Variants in LUC7L observed in about 807,000 individuals in gnomAD.
The protein encoded by LUC7L is putative RNA-binding protein Luc7-like 1.
In LUC7L, 29 loss-of-function variants were observed where a neutral mutation model predicts 51.1. The ratio of observed to expected loss-of-function variants is 0.57; its 90% CI spans 0.42 to 0.77. LUC7L has a LOEUF of 0.77. Among genes scored for constraint, LUC7L ranks in the 30% least tolerant of loss-of-function variants. The pLI, the probability that LUC7L is intolerant of heterozygous loss-of-function variation, is 0.00. For missense variants in LUC7L, 403 were observed against 511.9 expected, an observed-to-expected ratio of 0.79 and a Z score of 2.05; for synonymous variants, 181 against 180.7, an observed-to-expected ratio of 1.00 and a Z score of -0.01.
At position 218,520 on chromosome 16, in the gene LUC7L, A is replaced by G. The variant is rs148101291; in HGVS notation, c.255+2129T>C. Among the ~76,000 whole-genome samples, 901 of 152,334 alleles carry G rather than the reference A, an allele frequency of 5.9e-3. 15 individuals are homozygous for G. The highest frequency in any genetic ancestry group is 0.02 in the African/African-American group (832 of 41,592). On this transcript the variant is annotated intron_variant, in intron 3 of 9. Transcript: ENST00000293872. The stretch of plus-strand genomic sequence containing the variant: ...TGGATCACCTGAGGTCAAGAGTTCA[A>G]GATGAGCCTGGCCAACATGGCGAAA...
intron 3 of LUC7L, among the ~76,000 whole-genome samples, chr16:212,213 A>G (rs1401120313): frequency 6.6e-6 from 1 of 152,164 alleles, no homozygotes; most frequent in Non-Finnish European, 1.5e-5. Flanking sequence ...GAATCACTTG[A>G]ACTCGGGAGG....
intron 4 of LUC7L, among the ~76,000 whole-genome samples, chr16:206,829 C>T (rs1312202842): frequency 7.1e-6 from 1 of 140,022 alleles, no homozygotes; most frequent in Admixed American, 7.9e-5. Context: ...GAGGACAAGG[C>T]GGGAGGATTG....
rs779997984 is a variant in LUC7L at position 190,528 on chromosome 16, C to G, written c.806+13G>C. On this transcript the variant is annotated intron_variant, in intron 8 of 9. Transcript: ENST00000293872. The stretch of plus-strand genomic sequence containing the variant: ...AAAAATTTGAGAACATTTTAATGGA[C>G]CTGGAAACCTACCTCCTGCGATCTC... The G allele has an allele frequency of 5.0e-6, 8 of 1,613,680 alleles. No homozygotes were observed. The highest frequency in any genetic ancestry group is 6.8e-6 in the Non-Finnish European group (8 of 1,179,796).
chr16:211,955 G>A (rs1206242962), intron 3 of LUC7L, among the ~76,000 whole-genome samples: 1 of 152,228 alleles, frequency 6.6e-6, no homozygotes, highest in African/African-American at 2.4e-5. Flanking sequence ...ACAGCAGACA[G>A]GTGCCCTTGT....
chr16:203,842 A>G (rs1490072814), intron 5 of LUC7L, among the ~76,000 whole-genome samples: 1 of 151,484 alleles, frequency 6.6e-6, no homozygotes, highest in Non-Finnish European at 1.5e-5. Context: ...CGGTTAAATC[A>G]TATCTCTACT....
intron 3 of LUC7L, 148 bp downstream of exon 3, chr16:220,501 G>C (rs2049934589): frequency 1.5e-6 from 1 of 656,676 alleles, no homozygotes; most frequent in Non-Finnish European, 2.7e-6. Flanking sequence ...AACAGTACTG[G>C]CTGTATTCTA....
chr16:208,255 G>C, intron 3 of LUC7L, 67 bp from the exon 4 acceptor site: 2 of 1,183,392 alleles, frequency 1.7e-6, no homozygotes, highest in Non-Finnish European at 2.5e-6. Flanking sequence ...GAACCCATTT[G>C]CTTGATAGGA....
chr16:224,284 C>T (rs945554991), intron 2 of LUC7L, among the ~76,000 whole-genome samples: 8 of 128,236 alleles, frequency 6.2e-5, no homozygotes, highest in African/African-American at 1.2e-4. Context: ...TTTGGGAGGC[C>T]GAGGAGGGCG....
At chr16:194,813 C>T (rs1223801794) in intron 6 of LUC7L, among the ~76,000 whole-genome samples, 3 of 152,112 alleles carry the variant, frequency 2.0e-5, no homozygotes, top group Non-Finnish European at 1.5e-5. Context: ...GGAAAAGCAC[C>T]GGGCACCGTT....
intron 5 of LUC7L, among the ~76,000 whole-genome samples, chr16:203,639 T>C (rs1022770600): frequency 6.9e-6 from 1 of 144,334 alleles, no homozygotes; most frequent in African/African-American, 2.6e-5. Context: ...GCCCAGGAGA[T>C]CAAGCCTTCA....
intron 5 of LUC7L, among the ~76,000 whole-genome samples, chr16:200,992 A>C (rs1431216115): frequency 1.3e-5 from 2 of 151,102 alleles, no homozygotes; most frequent in African/African-American, 4.9e-5. Flanking sequence ...AGAAGGTGAA[A>C]CCCCGTCTCT....
At chr16:218,139 G>C (rs1384180955) in intron 3 of LUC7L, among the ~76,000 whole-genome samples, 1 of 151,828 alleles carries the variant, frequency 6.6e-6, no homozygotes, top group African/African-American at 2.4e-5. Context: ...GTTACAGTGA[G>C]CTAAGATCAT....
chr16:220,055 C>T (rs778522502), intron 3 of LUC7L: 13 of 152,156 alleles, frequency 8.5e-5, no homozygotes, highest in Admixed American at 5.9e-4. Context: ...CAAATAGAAA[C>T]AAGAAGACAA....
chr16:189,472 G>C, intron 9 of LUC7L, 133 bp from the exon 10 acceptor site: 2 of 1,427,352 alleles, frequency 1.4e-6, no homozygotes, highest in Non-Finnish European at 1.8e-6. Context: ...CCCCCCGGAG[G>C]CCAACCAGAC....
At chr16:227,535 G>A (rs761410838) in intron 1 of LUC7L, 199 bp from the exon 2 acceptor site, 1 of 1,409,468 alleles carries the variant, frequency 7.1e-7, no homozygotes, top group Admixed American at 2.8e-5. Context: ...ATATCATGGA[G>A]AATCACACTT....
intron 2 of LUC7L, among the ~76,000 whole-genome samples, chr16:223,327 C>T (rs1457440268): frequency 1.3e-5 from 2 of 151,802 alleles, no homozygotes; most frequent in Non-Finnish European, 2.9e-5. Context: ...CCAGCCTGAG[C>T]GACAGAGCGA....
At chr16:189,723 C>G in intron 9 of LUC7L, 1 of 1,376,068 alleles carries the variant, frequency 7.3e-7, no homozygotes, top group Non-Finnish European at 9.4e-7. Flanking sequence ...ATGGACGCAA[C>G]AGTGCACAGG....
chr16:228,159 C>A, intron 1 of LUC7L: 1 of 1,225,318 alleles, frequency 8.2e-7, no homozygotes, highest in Non-Finnish European at 1.1e-6. Flanking sequence ...GTATACAACA[C>A]AGAGCTGTGC....
intron 3 of LUC7L, among the ~76,000 whole-genome samples, chr16:218,869 T>C (rs539194464): frequency 1.2e-3 from 165 of 133,102 alleles, no homozygotes; most frequent in African/African-American, 4.7e-3. Context: ...GGTGGCAGGA[T>C]CACTTGAGGG....
Sources: allele counts gnomAD v4.1 joint callset (sites outside exome capture counted in the v4.1 genomes callset), GRCh38; gene constraint gnomAD v4.1.1; transcripts MANE v1.5; gene names NCBI Gene and HGNC (gene_info 2026-07-23, HGNC 2026-07-21).